Variants in PCDHA3 observed in about 807,000 individuals in gnomAD.
The protein encoded by PCDHA3 is protocadherin alpha 3, also known as protocadherin alpha-3.
PCDHA3 carries 41 observed loss-of-function variants against 62.2 expected under a neutral mutation model. That is an observed-to-expected ratio of 0.66 (90% CI 0.51 to 0.86). The LOEUF is 0.86. Among genes scored for constraint, PCDHA3 ranks in the 40% least tolerant of loss-of-function variants. The probability of loss-of-function intolerance (pLI) is 0.00; values close to 1 mark genes in which losing one functional copy is unlikely to be tolerated. For synonymous variants in PCDHA3, 640 were observed against 555.4 expected (o/e 1.15, Z -2.14); for missense variants, 1,304 against 1,241.2 (o/e 1.05, Z -0.76).
At chr5:140,895,207 T>C (rs1392562241) in intron 1 of PCDHA3, among the ~76,000 whole-genome samples, 2 of 152,208 alleles carry the variant, frequency 1.3e-5, no homozygotes, top group Non-Finnish European at 2.9e-5. Context: ...TTTGCTTTTA[T>C]TTCTAATATT....
intron 1 of PCDHA3, among the ~76,000 whole-genome samples, chr5:140,840,839 T>C (rs1165670429): frequency 6.6e-6 from 1 of 152,038 alleles, no homozygotes; most frequent in Non-Finnish European, 1.5e-5. Context: ...TAAATATTAA[T>C]GCATTTCTTC....
At chr5:140,828,498 A>T in intron 1 of PCDHA3, 1 of 1,614,228 alleles carries the variant, frequency 6.2e-7, no homozygotes, top group Middle Eastern at 1.6e-4. Flanking sequence ...TTCCCGGTAG[A>T]GGAACAAAGA....
At chr5:140,809,584 A>G in intron 1 of PCDHA3, 3 of 1,548,856 alleles carry the variant, frequency 1.9e-6, no homozygotes, top group Non-Finnish European at 2.6e-6. Context: ...TTAGTGTATA[A>G]CATCCTTTTG....
chr5:140,849,872 G>C, intron 1 of PCDHA3: 1 of 1,598,650 alleles, frequency 6.3e-7, no homozygotes, highest in Non-Finnish European at 8.6e-7. Flanking sequence ...CGCAGTCCGA[G>C]TACACGGTGT....
intron 3 of PCDHA3, among the ~76,000 whole-genome samples, chr5:141,005,701 CAAAAAAAAAA>C (rs59860837): frequency 9.0e-4 from 7 of 7,792 alleles, no homozygotes; most frequent in East Asian, 6.4e-3. Context: ...AACTCCGTCT[CAAAAAAAAAA>C]AAAAAAAAAA....
At chr5:140,883,074 C>T (rs1554176634) in intron 1 of PCDHA3, 2 of 1,614,042 alleles carry the variant, frequency 1.2e-6, no homozygotes, top group Admixed American at 3.3e-5. Context: ...GCCACAGATC[C>T]TGATGATGGT....
chr5:140,927,960 C>G, intron 1 of PCDHA3: 2 of 1,614,196 alleles, frequency 1.2e-6, no homozygotes, highest in Non-Finnish European at 1.7e-6. Flanking sequence ...CTGCCCCTGG[C>G]ACAGTGATTG....
At chr5:140,835,585 T>G in intron 1 of PCDHA3, 1 of 1,613,922 alleles carries the variant, frequency 6.2e-7, no homozygotes, top group South Asian at 1.1e-5. Context: ...GTGTCCACCT[T>G]CAAGAATTAC....
At chr5:140,869,546 C>T (rs201504685) in intron 1 of PCDHA3, 3 of 1,614,170 alleles carry the variant, frequency 1.9e-6, no homozygotes, top group Middle Eastern at 1.6e-4. Flanking sequence ...TCTAAGCAAT[C>T]GGACTCGCGT....
At chr5:140,913,810 T>C (rs2076475017) in intron 1 of PCDHA3, among the ~76,000 whole-genome samples, 1 of 152,224 alleles carries the variant, frequency 6.6e-6, no homozygotes, top group South Asian at 2.1e-4. Context: ...AAATTTTCAA[T>C]TTCCTTTTAA....
chr5:140,860,055 A>C (rs1466399941), intron 1 of PCDHA3: 6 of 151,228 alleles, frequency 4.0e-5, no homozygotes, highest in Admixed American at 3.3e-4. Flanking sequence ...TTGAGAGGCC[A>C]AGGTGGGAGG....
Position 140,928,944 on chromosome 5 carries a change from A to C in PCDHA3, c.2395-50005A>C, listed in dbSNP as rs782627710. The C allele has an allele frequency of 6.2e-6, 10 of 1,614,070 alleles. No homozygotes were observed. In the Admixed American group the frequency reaches 1.7e-4, roughly 27 times the overall value. On this transcript the variant is annotated intron_variant, in intron 1 of 3. Transcript: ENST00000522353. ...AGCTTTCTGCCCAGAACTTGTATTTAGTAATTGCCTTGGCTTGTATTTCCT... is the reference window on the plus strand; with the variant it reads ...AGCTTTCTGCCCAGAACTTGTATTTCGTAATTGCCTTGGCTTGTATTTCCT...
intron 1 of PCDHA3, chr5:140,836,055 G>A: frequency 5.6e-6 from 9 of 1,613,604 alleles, no homozygotes; most frequent in Non-Finnish European, 7.6e-6. Flanking sequence ...CGTGCTGGAC[G>A]AGAACGACAA....
At chr5:140,902,176 C>T (rs1488205989) in intron 1 of PCDHA3, among the ~76,000 whole-genome samples, 1 of 146,420 alleles carries the variant, frequency 6.8e-6, no homozygotes, top group Non-Finnish European at 1.5e-5. Context: ...TTTGGATGTC[C>T]TTTATGTCTT....
chr5:140,876,326 T>C, intron 1 of PCDHA3: 4 of 1,614,046 alleles, frequency 2.5e-6, no homozygotes, highest in Non-Finnish European at 3.4e-6. Context: ...AAAATGATTT[T>C]GCCAGTGAGT....
chr5:140,869,600 C>T lies in PCDHA3; in HGVS notation c.2394+66009C>T, dbSNP rs782754801. The stretch of plus-strand genomic sequence containing the variant: ...TCTGATGCTGACATTGAAGAGAATG[C>T]TCTATTGACCTACAGGCTAAGTAAA... On this transcript the variant is annotated intron_variant, in intron 1 of 3. Transcript: ENST00000522353. 1.9e-6 allele frequency: 3 copies of T among 1,613,922 alleles called. No homozygotes were observed. The African/African-American group carries it at 4.0e-5, about 22-fold the overall frequency.
chr5:140,835,749 G>C, intron 1 of PCDHA3: 1 of 1,613,432 alleles, frequency 6.2e-7, no homozygotes. Context: ...CCCGGCGTTC[G>C]CGCAGCCCGA....
intron 1 of PCDHA3, among the ~76,000 whole-genome samples, chr5:140,921,435 A>G (rs997660613): frequency 6.6e-6 from 1 of 152,120 alleles, no homozygotes. Context: ...ATTTTCTTCA[A>G]TGGTGTCTGA....
intron 3 of PCDHA3, among the ~76,000 whole-genome samples, chr5:141,003,916 A>C (rs1176586597): frequency 3.9e-5 from 6 of 152,150 alleles, no homozygotes; most frequent in African/African-American, 1.4e-4. Context: ...TCTTGACTGC[A>C]TCCTCAGTCT....
Sources: gnomAD v4.1 joint callset for allele counts (sites outside exome capture counted in the v4.1 genomes callset) on GRCh38, gnomAD v4.1.1 for gene constraint, MANE v1.5 for transcripts, NCBI Gene and HGNC (gene_info 2026-07-23, HGNC 2026-07-21) for gene names.